LRRC7: variants seen among roughly 807,000 people sequenced by gnomAD.
LRRC7 encodes leucine-rich repeat-containing protein 7.
LRRC7 carries 23 observed loss-of-function variants against 175.7 expected under a neutral mutation model. The observed-to-expected ratio is 0.13, with a 90% CI of 0.09 to 0.19. LRRC7 has a LOEUF of 0.19. Ranked by LOEUF, LRRC7 falls within the 10% of genes least tolerant of loss-of-function variation. The pLI is 1.00. For missense variants in LRRC7, 1,354 were observed against 1,904.7 expected (o/e 0.71, Z 5.38); for synonymous variants, 685 against 680.9 (o/e 1.01, Z -0.09).
In LRRC7 at chr1:69,799,918, A is replaced by G. The variant is rs371255828; in HGVS notation, c.421+7758A>G. ...TTTAATACATTTTGAGTTGATTTCC[A>G]TATATGGTGAGAGATAGGGTGAGTT... On this transcript the variant is annotated intron_variant, in intron 4 of 26. Coordinates refer to ENST00000651989, the MANE Select transcript of LRRC7 (RefSeq NM_001370785.2). Among the ~76,000 whole-genome samples, 57 of 152,114 alleles carry G rather than the reference A, an allele frequency of 3.7e-4. No homozygotes were observed. In the South Asian group the frequency reaches 0.011, roughly 30 times the overall value.
At chr1:69,884,427 G>T (rs1686954987) in intron 7 of LRRC7, among the ~76,000 whole-genome samples, 1 of 108,188 alleles carries the variant, frequency 9.2e-6, no homozygotes, top group Admixed American at 9.4e-5. Flanking sequence ...GTATGTTGTT[G>T]GTGTATAAGA....
intron 8 of LRRC7, among the ~76,000 whole-genome samples, chr1:69,961,774 C>A (rs536701086): frequency 6.6e-6 from 1 of 152,146 alleles, no homozygotes; most frequent in East Asian, 1.9e-4. Flanking sequence ...GGATAACTGG[C>A]TAGCCATATG....
chr1:69,898,802 G>GA (rs1345875533), intron 7 of LRRC7, among the ~76,000 whole-genome samples: 8 of 152,240 alleles, frequency 5.3e-5, no homozygotes, highest in African/African-American at 1.9e-4. Context: ...ACTGACACCA[G>GA]AAAGGATTAA....
At chr1:69,939,043 A>ATATATATATATC (rs1557911228) in intron 8 of LRRC7, among the ~76,000 whole-genome samples, 1 of 64,868 alleles carries the variant, frequency 1.5e-5, no homozygotes, top group African/African-American at 4.0e-5. Flanking sequence ...ATATATATCT[A>ATATATATATATC]TATCTATCTC....
chr1:69,580,380 A>C (rs1557429448), intron 1 of LRRC7, among the ~76,000 whole-genome samples: 1 of 152,202 alleles, frequency 6.6e-6, no homozygotes. Flanking sequence ...ATTATTTAAA[A>C]GATAAAAACA....
At chr1:69,959,344 G>A (rs1178035376) in intron 8 of LRRC7, among the ~76,000 whole-genome samples, 2 of 151,974 alleles carry the variant, frequency 1.3e-5, no homozygotes, top group African/African-American at 4.8e-5. Flanking sequence ...AGGAAGGAAA[G>A]ATAGGTAAAT....
intron 7 of LRRC7, among the ~76,000 whole-genome samples, chr1:69,886,834 A>G (rs1229143740): frequency 6.7e-6 from 1 of 149,718 alleles, no homozygotes; most frequent in Admixed American, 6.6e-5. Flanking sequence ...ATCTCTCAGC[A>G]TTTGCTTGTC....
At chr1:69,948,467 A>G (rs1649570887) in intron 8 of LRRC7, among the ~76,000 whole-genome samples, 1 of 152,116 alleles carries the variant, frequency 6.6e-6, no homozygotes. Flanking sequence ...TATTTCCTCC[A>G]GTGGATTTTC....
At position 70,135,599 on chromosome 1, in the gene LRRC7, C is replaced by CA. The variant is rs909185562; in HGVS notation, c.*13713dup. Among the ~76,000 whole-genome samples, 14 of 152,140 alleles carry CA rather than the reference C, an allele frequency of 9.2e-5. No homozygotes were observed. Among genetic ancestry groups the CA allele is most frequent in the Non-Finnish European group, 4.4e-5 (3 of 68,022 alleles). ...AAGGGTGCTGCTTGTCCAACTGTGTCACCTCCCTGACAAATAAGTGAATAT... is the reference window on the plus strand; with the variant it reads ...AAGGGTGCTGCTTGTCCAACTGTGTCAACCTCCCTGACAAATAAGTGAATAT... On this transcript the variant is annotated 3_prime_UTR_variant, in exon 27 of 27. Transcript: ENST00000651989.
intron 7 of LRRC7, among the ~76,000 whole-genome samples, chr1:69,846,703 A>T (rs1682408782): frequency 6.6e-6 from 1 of 152,022 alleles, no homozygotes; most frequent in African/African-American, 2.4e-5. Context: ...ACCTCTTTTA[A>T]GCTGGGAAAT....
intron 3 of LRRC7, among the ~76,000 whole-genome samples, chr1:69,786,604 A>C (rs2101044160): frequency 6.6e-6 from 1 of 152,276 alleles, no homozygotes; most frequent in African/African-American, 2.4e-5. Context: ...CATGATCATG[A>C]TGGAAGGTAA....
intron 8 of LRRC7, among the ~76,000 whole-genome samples, chr1:69,978,591 A>T (rs1379323559): frequency 6.6e-6 from 1 of 152,176 alleles, no homozygotes; most frequent in African/African-American, 2.4e-5. Flanking sequence ...TCACAGCAGA[A>T]TGCCATGTCT....
At chr1:70,093,543 C>A (rs1571305818) in intron 25 of LRRC7, among the ~76,000 whole-genome samples, 2 of 152,158 alleles carry the variant, frequency 1.3e-5, no homozygotes, top group South Asian at 2.1e-4. Flanking sequence ...AGCAGAAGAG[C>A]CACATGACAA....
intron 1 of LRRC7, among the ~76,000 whole-genome samples, chr1:69,659,469 G>A (rs1657120520): frequency 6.8e-6 from 1 of 147,668 alleles, no homozygotes; most frequent in Admixed American, 6.8e-5. Context: ...ATGTCATAGT[G>A]AAACTGAAGA....
chr1:69,653,625 C>T (rs1217177582), intron 1 of LRRC7, among the ~76,000 whole-genome samples: 3 of 152,050 alleles, frequency 2.0e-5, no homozygotes. Context: ...AAAGAACTAC[C>T]ATATAATCCA....
At chr1:69,684,040 G>A (rs192479138) in intron 2 of LRRC7, among the ~76,000 whole-genome samples, 84 of 152,176 alleles carry the variant, frequency 5.5e-4, no homozygotes, top group African/African-American at 1.8e-3. Flanking sequence ...AATGATAAAA[G>A]ATTTAATGTA....
chr1:69,870,086 A>G (rs900212412), intron 7 of LRRC7, among the ~76,000 whole-genome samples: 1 of 152,110 alleles, frequency 6.6e-6, no homozygotes, highest in Non-Finnish European at 1.5e-5. Flanking sequence ...TGATAAGTGG[A>G]TGGGCTCTAA....
At chr1:69,781,610 A>T (rs890323411) in intron 3 of LRRC7, among the ~76,000 whole-genome samples, 10 of 149,456 alleles carry the variant, frequency 6.7e-5, no homozygotes, top group African/African-American at 2.5e-4. Flanking sequence ...TGAACCTGGG[A>T]GGTGGAGGTT....
At chr1:69,982,634 A>G (rs1176512224) in intron 9 of LRRC7, among the ~76,000 whole-genome samples, 1 of 152,236 alleles carries the variant, frequency 6.6e-6, no homozygotes, top group Admixed American at 6.5e-5. Context: ...TAATGATCAA[A>G]TATTTAGTCT....
Sources: allele counts gnomAD v4.1 joint callset (sites outside exome capture counted in the v4.1 genomes callset), GRCh38; gene constraint gnomAD v4.1.1; transcripts MANE v1.5; gene names NCBI Gene and HGNC (gene_info 2026-07-23, HGNC 2026-07-21).